The following ST6GALNAC3 variants were observed in gnomAD, a reference collection of about 807,000 sequenced individuals.
ST6GALNAC3 encodes alpha-N-acetylgalactosaminide alpha-2,6-sialyltransferase 3.
ST6GALNAC3 carries 25 observed loss-of-function variants against 32.7 expected under a neutral mutation model. That is an observed-to-expected ratio of 0.76 (90% CI 0.56 to 1.07). The LOEUF is 1.07. ST6GALNAC3 is among the 50% of genes least tolerant of loss of function. The probability of loss-of-function intolerance (pLI) is 0.00; values close to 1 mark genes in which losing one functional copy is unlikely to be tolerated. For synonymous variants in ST6GALNAC3, 129 were observed against 133.1 expected, an observed-to-expected ratio of 0.97 and a Z score of 0.21; for missense variants, 355 against 382.4, an observed-to-expected ratio of 0.93 and a Z score of 0.60.
chr1:76,606,738 G>GAA (rs113560208), intron 3 of ST6GALNAC3, among the ~76,000 whole-genome samples: 1 of 132,856 alleles, frequency 7.5e-6, no homozygotes, highest in Non-Finnish European at 1.6e-5. Context: ...TGAAAAGAGT[G>GAA]AAAAAAAAAA....
chr1:76,345,019 G>T (rs747909340), intron 2 of ST6GALNAC3, among the ~76,000 whole-genome samples: 1 of 152,070 alleles, frequency 6.6e-6, no homozygotes, highest in South Asian at 2.1e-4. Context: ...AGACCCTCAG[G>T]TTCCTTGGCT....
At chr1:76,262,105 T>C (rs1455264343) in intron 1 of ST6GALNAC3, among the ~76,000 whole-genome samples, 2 of 152,238 alleles carry the variant, frequency 1.3e-5, no homozygotes, top group Non-Finnish European at 2.9e-5. Flanking sequence ...ATAATGATGA[T>C]GTGATAATAG....
At chr1:76,479,502 G>A (rs1371045891) in intron 3 of ST6GALNAC3, among the ~76,000 whole-genome samples, 1 of 152,228 alleles carries the variant, frequency 6.6e-6, no homozygotes, top group African/African-American at 2.4e-5. Context: ...GAGCATGCTG[G>A]TGGTATCTTG....
At chr1:76,337,560 G>A (rs1647603151) in intron 2 of ST6GALNAC3, among the ~76,000 whole-genome samples, 1 of 152,034 alleles carries the variant, frequency 6.6e-6, no homozygotes, top group Non-Finnish European at 1.5e-5. Context: ...TCTAAAAGCT[G>A]GTTGGCAATA....
At chr1:76,316,582 A>G (rs566760933) in intron 2 of ST6GALNAC3, among the ~76,000 whole-genome samples, 1 of 152,170 alleles carries the variant, frequency 6.6e-6, no homozygotes, top group South Asian at 2.1e-4. Flanking sequence ...GGTAAACTAA[A>G]AAAGGAAAAA....
intron 3 of ST6GALNAC3, among the ~76,000 whole-genome samples, chr1:76,418,713 C>T (rs1032259680): frequency 2.6e-5 from 4 of 151,868 alleles, no homozygotes; most frequent in African/African-American, 9.7e-5. Context: ...TATCCCCATC[C>T]CAGCTGGTGT....
intron 3 of ST6GALNAC3, among the ~76,000 whole-genome samples, chr1:76,494,082 TACA>T (rs1407686677): frequency 6.6e-6 from 1 of 152,080 alleles, no homozygotes; most frequent in Non-Finnish European, 1.5e-5. Flanking sequence ...GATGTCTTAT[TACA>T]ACCTTTACCC....
Position 76,308,293 on chromosome 1 carries a change from T to C in ST6GALNAC3, c.19-5512T>C, listed in dbSNP as rs143850883. On this transcript the variant is annotated intron_variant, in intron 1 of 4. Transcript: ENST00000328299. ...GTTATGTCGTAATAGCTTTTGTTTC[T>C]CGAGAGCTCATTATGTGCCTGGTAC... 4.8e-3 allele frequency among the ~76,000 whole-genome samples: 733 copies of C among 152,282 alleles called. 8 individuals are homozygous for C. Among genetic ancestry groups the C allele is most frequent in the African/African-American group, 0.016 (672 of 41,566 alleles).
chr1:76,630,592 C>T lies in ST6GALNAC3; in HGVS notation c.*1786C>T, dbSNP rs1042134304. The T allele has an allele frequency of 1.0e-6, 1 of 985,454 alleles. No homozygotes were observed. The highest frequency in any genetic ancestry group is 6.2e-5 in the Admixed American group (1 of 16,218). The allele number at this position is 985,454 out of a possible 1,614,324, so 61.0% of individuals were successfully genotyped here. A position where few individuals can be genotyped will look rare whatever the true frequency, so the allele number is the denominator to read the frequency against. On this transcript the variant is annotated 3_prime_UTR_variant, in exon 5 of 5. Transcript: ENST00000328299. ...GGAAACTGGAAGTAATGATACATTT[C>T]ACTTCAGAAGCACTTGTAGGTCTTT... is the stretch of plus-strand genomic sequence containing the variant.
chr1:76,294,851 T>C (rs1434481549), intron 1 of ST6GALNAC3, among the ~76,000 whole-genome samples: 2 of 152,102 alleles, frequency 1.3e-5, no homozygotes. Context: ...CAAAAGGTCC[T>C]GGGAAGATTC....
intron 2 of ST6GALNAC3, among the ~76,000 whole-genome samples, chr1:76,340,000 C>A (rs942166960): frequency 2.6e-4 from 40 of 152,134 alleles, no homozygotes; most frequent in African/African-American, 8.4e-4. Context: ...AGAATACATT[C>A]CCTGAGCTAG....
intron 1 of ST6GALNAC3, among the ~76,000 whole-genome samples, chr1:76,212,008 A>G (rs1447221464): frequency 1.3e-5 from 2 of 152,232 alleles, no homozygotes; most frequent in Non-Finnish European, 2.9e-5. Context: ...GCTGCAACAT[A>G]TGAATTTTGG....
At chr1:76,256,017 C>T (rs1360415696) in intron 1 of ST6GALNAC3, among the ~76,000 whole-genome samples, 1 of 148,374 alleles carries the variant, frequency 6.7e-6, no homozygotes. Context: ...TCAGTGGTAA[C>T]ACACACACAC....
rs2100736331 is a variant in ST6GALNAC3 at position 76,630,031 on chromosome 1, C to T, written c.*1225C>T. 1.0e-6 allele frequency: 1 copy of T among 985,144 alleles called. No individual in the cohort carries two copies. Among genetic ancestry groups the T allele is most frequent in the African/African-American group, 1.7e-5 (1 of 57,304 alleles). 61.0% of individuals were successfully genotyped at this position (985,144 alleles called of 1,614,324 possible). ...CCAAAGTGCTTTGTCATTTAGAGTC[C>T]TTTAACATCTGTTATACCATGTGAT... On this transcript the variant is annotated 3_prime_UTR_variant, in exon 5 of 5. Transcript: ENST00000328299.
At chr1:76,519,462 T>A (rs2101784085) in intron 3 of ST6GALNAC3, among the ~76,000 whole-genome samples, 1 of 152,272 alleles carries the variant, frequency 6.6e-6, no homozygotes, top group African/African-American at 2.4e-5. Flanking sequence ...CTAGCACATA[T>A]GTCTCTTGAA....
At chr1:76,453,523 T>C (rs1439565206) in intron 3 of ST6GALNAC3, among the ~76,000 whole-genome samples, 1 of 152,144 alleles carries the variant, frequency 6.6e-6, no homozygotes, top group East Asian at 1.9e-4. Context: ...CCATCTTGAT[T>C]TCATTGTTGA....
chr1:76,580,064 G>A (rs1254262242), intron 3 of ST6GALNAC3, among the ~76,000 whole-genome samples: 1 of 151,914 alleles, frequency 6.6e-6, no homozygotes, highest in Non-Finnish European at 1.5e-5. Context: ...GCCAAGGGAG[G>A]TTAAACTCTT....
intron 3 of ST6GALNAC3, among the ~76,000 whole-genome samples, chr1:76,511,729 A>G (rs894407974): frequency 6.6e-6 from 1 of 152,194 alleles, no homozygotes; most frequent in African/African-American, 2.4e-5. Context: ...CAGTACAATC[A>G]TGGTGATTTG....
At chr1:76,138,099 CT>C (rs1426711845) in intron 1 of ST6GALNAC3, among the ~76,000 whole-genome samples, 2 of 152,210 alleles carry the variant, frequency 1.3e-5, no homozygotes, top group Admixed American at 1.3e-4. Context: ...AGATAAAATA[CT>C]TCATTTTTGC....
Sources: allele counts gnomAD v4.1 joint callset (sites outside exome capture counted in the v4.1 genomes callset), GRCh38; gene constraint gnomAD v4.1.1; transcripts MANE v1.5; gene names NCBI Gene and HGNC (gene_info 2026-07-23, HGNC 2026-07-21).